The following PRKAG2 variants were observed in gnomAD, a reference collection of about 807,000 sequenced individuals.
PRKAG2 encodes the protein protein kinase AMP-activated non-catalytic subunit gamma 2, also known as 5'-AMP-activated protein kinase subunit gamma-2.
Under a neutral mutation model 69.6 loss-of-function variants are expected in PRKAG2, and 26 were observed. The observed-to-expected ratio is 0.37, with a 90% CI of 0.27 to 0.52. The LOEUF is 0.52. Among genes scored for constraint, PRKAG2 ranks in the 20% least tolerant of loss-of-function variants. The probability of loss-of-function intolerance (pLI) is 0.90; values close to 1 mark genes in which losing one functional copy is unlikely to be tolerated. For synonymous variants in PRKAG2, 293 were observed against 285.0 expected, an observed-to-expected ratio of 1.03 and a Z score of -0.28; for missense variants, 557 against 740.0, an observed-to-expected ratio of 0.75 and a Z score of 2.87.
Position 151,874,525 on chromosome 7 carries a change from GATGTATATGTAT to G in PRKAG2, c.114+1970_114+1981del, listed in dbSNP as rs200152872. ...ATATGATGTATATGTATATGTATAT[GATGTATATGTAT>G]ATGTATATGTATATGTATAAGCCAT... On this transcript the variant is annotated intron_variant, in intron 1 of 15. Transcript: ENST00000287878. Among the ~76,000 whole-genome samples the G allele has an allele frequency of 5.5e-5, 4 of 72,484 alleles. 1 individual carries two copies. Among genetic ancestry groups the G allele is most frequent in the African/African-American group, 2.0e-4 (3 of 14,852 alleles). The allele number at this position is 72,484 out of a possible 152,430, so 47.6% of individuals were successfully genotyped here.
Position 151,807,213 on chromosome 7 carries a change from C to CA in PRKAG2, c.115-20673dup, listed in dbSNP as rs1352624718. Among the ~76,000 whole-genome samples, 1 of 152,126 alleles carries CA rather than the reference C, an allele frequency of 6.6e-6. No individual in the cohort carries two copies. Among genetic ancestry groups the CA allele is most frequent in the African/African-American group, 2.4e-5 (1 of 41,400 alleles). ...TAATTGTATACTGTCAGTCAAAGGG[C>CA]ATTATATGTAAATCACACCTCAATA... On this transcript the variant is annotated intron_variant, in intron 1 of 15. Coordinates refer to ENST00000287878, the MANE Select transcript of PRKAG2 (RefSeq NM_016203.4). The surrounding 1 kb of genome is among the most constrained non-coding windows in gnomAD (Gnocchi z 4.4).
In PRKAG2 at chr7:151,807,736, C is replaced by G. The variant is rs2078189173; in HGVS notation, c.115-21195G>C. On this transcript the variant is annotated intron_variant, in intron 1 of 15. Coordinates refer to ENST00000287878, the MANE Select transcript of PRKAG2 (RefSeq NM_016203.4). This position sits in a 1 kb window ranked among gnomAD's most constrained non-coding sequence, Gnocchi z 4.4. Reference sequence around the variant, plus strand: ...GTCAAGGCAGCATTTCAGAGGAAGCCAGGAGCGAGAACTCGTGCATCCGAA... The same window carrying G: ...GTCAAGGCAGCATTTCAGAGGAAGCGAGGAGCGAGAACTCGTGCATCCGAA... The G allele has an allele frequency of 2.6e-6, 1 of 391,710 alleles. No individual in the cohort carries two copies. Among genetic ancestry groups the G allele is most frequent in the South Asian group, 1.9e-5 (1 of 53,398 alleles). The allele number at this position is 391,710 out of a possible 1,614,324, so 24.3% of individuals were successfully genotyped here.
At chr7:151,801,227 G>A (rs993540553) in intron 1 of PRKAG2, among the ~76,000 whole-genome samples, 1 of 152,188 alleles carries the variant, frequency 6.6e-6, no homozygotes, top group African/African-American at 2.4e-5. Flanking sequence ...AGAGAAAGGT[G>A]CATGCCATGC....
chr7:151,674,233 T>C (rs989609558), intron 4 of PRKAG2, among the ~76,000 whole-genome samples: 4 of 152,176 alleles, frequency 2.6e-5, no homozygotes, highest in Non-Finnish European at 5.9e-5. Context: ...AGTAACACTG[T>C]CACAAGCTGA....
At chr7:151,862,420 G>C (rs2079954309) in intron 1 of PRKAG2, among the ~76,000 whole-genome samples, 1 of 152,156 alleles carries the variant, frequency 6.6e-6, no homozygotes, top group Non-Finnish European at 1.5e-5. Flanking sequence ...TAAAAAACGG[G>C]TTCACTCAGA....
intron 3 of PRKAG2, among the ~76,000 whole-genome samples, chr7:151,690,304 C>T (rs909151353): frequency 6.6e-6 from 1 of 152,166 alleles, no homozygotes; most frequent in African/African-American, 2.4e-5. Flanking sequence ...TGGTAGAGCT[C>T]GCTTCGCGGG....
intron 1 of PRKAG2, among the ~76,000 whole-genome samples, chr7:151,867,545 G>C (rs569601004): frequency 1.3e-5 from 2 of 152,302 alleles, no homozygotes; most frequent in African/African-American, 4.8e-5. Flanking sequence ...TAGTGGATGA[G>C]GGCCGGTCCT....
At position 151,600,293 on chromosome 7, in the gene PRKAG2, T is replaced by C. The variant is rs1359236066; in HGVS notation, c.755-4839A>G. ...TGCATTTTAGGAAGATCTGGACTAC[T>C]TGGGAAATATCTGAGAAGAAAAACA... On this transcript the variant is annotated intron_variant, in intron 5 of 15. Transcript: ENST00000287878. Among the ~76,000 whole-genome samples the C allele has an allele frequency of 3.3e-5, 5 of 152,252 alleles. No individual in the cohort carries two copies. In the South Asian group the frequency reaches 8.3e-4, roughly 25 times the overall value.
At chr7:151,577,898 G>A (rs1307459270) in intron 6 of PRKAG2, among the ~76,000 whole-genome samples, 3 of 151,316 alleles carry the variant, frequency 2.0e-5, no homozygotes, top group Admixed American at 6.6e-5. Context: ...TGGAAACAAT[G>A]AGAAACAAGC....
In PRKAG2 at chr7:151,756,622, C is replaced by G. The variant is rs1007865207; in HGVS notation, c.466+24530G>C. Among the ~76,000 whole-genome samples the G allele has an allele frequency of 6.6e-6, 1 of 152,220 alleles. No individual in the cohort carries two copies. The highest frequency in any genetic ancestry group is 2.4e-5 in the African/African-American group (1 of 41,458). On this transcript the variant is annotated intron_variant, in intron 3 of 15. Transcript: ENST00000287878. This position sits in a 1 kb window ranked among gnomAD's most constrained non-coding sequence, Gnocchi z 4.9. ...CAACATCTGACCATAGCTACAGCCC[C>G]TTTGGCTCCCGTTCCTGCCAGACAG...
chr7:151,580,792 A>G (rs1412006905), intron 6 of PRKAG2, among the ~76,000 whole-genome samples: 3 of 128,856 alleles, frequency 2.3e-5, no homozygotes, highest in African/African-American at 9.7e-5. Context: ...AGAGGCTGGG[A>G]AGGGAGGGTA....
intron 8 of PRKAG2, among the ~76,000 whole-genome samples, chr7:151,573,868 T>A (rs921828192): frequency 1.3e-5 from 2 of 152,160 alleles, no homozygotes; most frequent in African/African-American, 4.8e-5. Context: ...AACCTCCGCC[T>A]CCTGGGTTCA....
intron 1 of PRKAG2, among the ~76,000 whole-genome samples, chr7:151,827,385 C>T (rs1044857990): frequency 1.3e-5 from 2 of 152,190 alleles, no homozygotes; most frequent in South Asian, 2.1e-4. Flanking sequence ...ATTACAGGTG[C>T]CTGCCACCAC....
chr7:151,855,270 C>T (rs111219771), intron 1 of PRKAG2, among the ~76,000 whole-genome samples: 34 of 56,268 alleles, frequency 6.0e-4, no homozygotes, highest in East Asian at 9.0e-4. Flanking sequence ...ACACACACCA[C>T]CCTCCACACA....
intron 1 of PRKAG2, among the ~76,000 whole-genome samples, chr7:151,789,444 C>T (rs150644113): frequency 1.0e-3 from 155 of 152,312 alleles, no homozygotes; most frequent in African/African-American, 3.7e-3. Context: ...ACCCAGTTCC[C>T]TCTTGGGCCA....
At chr7:151,748,797 G>A (rs899316009) in intron 3 of PRKAG2, among the ~76,000 whole-genome samples, 6 of 152,346 alleles carry the variant, frequency 3.9e-5, no homozygotes, top group East Asian at 1.9e-4. Context: ...GCAAAACTCC[G>A]TCATCAGCAG....
intron 5 of PRKAG2, among the ~76,000 whole-genome samples, chr7:151,597,222 A>G (rs7794071): frequency 0.15 from 23,486 of 152,200 alleles, 1,941 homozygotes; most frequent in East Asian, 0.26. Flanking sequence ...AGATATCCAC[A>G]TGCAGAAAAA....
chr7:151,764,078 G>A (rs938419176), intron 3 of PRKAG2, among the ~76,000 whole-genome samples: 2 of 152,246 alleles, frequency 1.3e-5, no homozygotes, highest in African/African-American at 4.8e-5. Context: ...TGGCAGAGGA[G>A]GGAGGCAGTG....
intron 1 of PRKAG2, among the ~76,000 whole-genome samples, chr7:151,819,356 C>G (rs974885936): frequency 1.3e-5 from 2 of 152,144 alleles, no homozygotes; most frequent in African/African-American, 2.4e-5. Context: ...TTTGGCAAAC[C>G]CTGCTCTAGG....
Sources: allele counts gnomAD v4.1 joint callset (sites outside exome capture counted in the v4.1 genomes callset), GRCh38; gene constraint gnomAD v4.1.1; non-coding constraint Gnocchi (gnomAD v3.1); transcripts MANE v1.5; gene names NCBI Gene and HGNC (gene_info 2026-07-23, HGNC 2026-07-21).